The following TLN2 variants were observed in gnomAD, a reference collection of about 807,000 sequenced individuals.
The protein encoded by TLN2 is talin-2.
In TLN2, 118 loss-of-function variants were observed where a neutral mutation model predicts 294.7. That is an observed-to-expected ratio of 0.40 (90% confidence interval 0.34 to 0.47). The LOEUF (loss-of-function observed/expected upper bound fraction) is 0.47, where lower values mean the gene tolerates loss of function less well. TLN2 is among the 20% of genes least tolerant of loss of function. The pLI is 0.84. For missense variants in TLN2, 3,083 were observed against 3,282.2 expected (o/e 0.94, Z 1.48); for synonymous variants, 1,431 against 1,304.5 (o/e 1.10, Z -2.09).
chr15:62,718,009 C>T (rs957113493), intron 24 of TLN2, among the ~76,000 whole-genome samples: 7 of 152,316 alleles, frequency 4.6e-5, no homozygotes, highest in Middle Eastern at 3.4e-3. Context: ...TTCCAGAGTG[C>T]CTTTCTTTGA....
chr15:62,838,605 A>C (rs185544382), intron 57 of TLN2, among the ~76,000 whole-genome samples: 1 of 152,370 alleles, frequency 6.6e-6, no homozygotes, highest in East Asian at 1.9e-4. Context: ...AATTCCCCTC[A>C]AAAATGAGTA....
chr15:62,723,313 G>C (rs1479149665), intron 26 of TLN2, among the ~76,000 whole-genome samples: 1 of 152,152 alleles, frequency 6.6e-6, no homozygotes, highest in Non-Finnish European at 1.5e-5. Flanking sequence ...GTCTACACTG[G>C]AATCACCTGG....
intron 20 of TLN2, 81 bp from the exon 21 acceptor site, chr15:62,708,421 C>A: frequency 6.8e-7 from 1 of 1,475,364 alleles, no homozygotes; most frequent in Non-Finnish European, 9.3e-7. Flanking sequence ...GCAGGAAGGG[C>A]TTTGATGGGA....
intron 3 of TLN2, among the ~76,000 whole-genome samples, chr15:62,632,028 A>T (rs1440109164): frequency 6.6e-6 from 1 of 152,204 alleles, no homozygotes; most frequent in African/African-American, 2.4e-5. Context: ...CCGGTAAGAG[A>T]GTGGCTCCAA....
intron 7 of TLN2, 50 bp downstream of exon 7, chr15:62,653,364 C>T: frequency 6.5e-7 from 1 of 1,548,632 alleles, no homozygotes; most frequent in Non-Finnish European, 8.7e-7. Context: ...CTTTGCTAAG[C>T]CTCACTTCCC....
chr15:62,591,081 G>T (rs2046042740), intron 2 of TLN2, among the ~76,000 whole-genome samples: 2 of 151,876 alleles, frequency 1.3e-5, no homozygotes, highest in Non-Finnish European at 2.9e-5. Context: ...TATTTTGTGT[G>T]TGGAATTTTT....
intron 41 of TLN2, among the ~76,000 whole-genome samples, chr15:62,768,876 T>A (rs1054344955): frequency 2.6e-5 from 4 of 152,250 alleles, no homozygotes; most frequent in Non-Finnish European, 4.4e-5. Context: ...CTACCAGTCC[T>A]GATGAACTCT....
chr15:62,800,482 G>C lies in TLN2; in HGVS notation c.6349G>C (p.Gly2117Arg). The change falls in exon 49 of 59, where the codon GGG (glycine) becomes CGG (arginine). Residue 2117 changes from glycine to arginine, a missense_variant. By Grantham distance (125) the Gly-to-Arg change is moderately radical. Coordinates refer to ENST00000636159, the MANE Select transcript of TLN2 (RefSeq NM_015059.3). ...CGACCCTTCCATGTACCAGCTCAAG[G>C]GGGCTGCCAAGGTAGAGTGGGGCTC... ...VDDPSMYQLK[G>R]AAKVMVTNVT... 1.9e-6 allele frequency: 3 copies of C among 1,614,154 alleles called. No individual in the cohort carries two copies. Among genetic ancestry groups the C allele is most frequent in the Non-Finnish European group, 2.5e-6 (3 of 1,180,006 alleles).
chr15:62,613,806 A>G (rs2048100564), intron 2 of TLN2, among the ~76,000 whole-genome samples: 1 of 151,934 alleles, frequency 6.6e-6, no homozygotes, highest in Non-Finnish European at 1.5e-5. Flanking sequence ...ATATGCAACA[A>G]GAGGGATCAA....
chr15:62,591,968 A>G (rs1425787457), intron 2 of TLN2, among the ~76,000 whole-genome samples: 1 of 152,054 alleles, frequency 6.6e-6, no homozygotes, highest in East Asian at 1.9e-4. Context: ...TGGCCGGGAA[A>G]CACATCAGAT....
chr15:62,460,510 G>T (rs998318510), intron 1 of TLN2, among the ~76,000 whole-genome samples: 1 of 152,008 alleles, frequency 6.6e-6, no homozygotes, highest in African/African-American at 2.4e-5. Flanking sequence ...TGATCCACCC[G>T]CCTCGGCCTC....
At chr15:62,620,397 T>C (rs1169386270) in intron 3 of TLN2, among the ~76,000 whole-genome samples, 1 of 152,170 alleles carries the variant, frequency 6.6e-6, no homozygotes, top group Non-Finnish European at 1.5e-5. Flanking sequence ...TCTGAACCTT[T>C]GGAAATGGCC....
At chr15:62,411,771 T>C (rs535634741) in intron 1 of TLN2, among the ~76,000 whole-genome samples, 98 of 152,202 alleles carry the variant, frequency 6.4e-4, no homozygotes, top group African/African-American at 2.3e-3. Context: ...CTTGGAAAAG[T>C]TTGGGAGATT....
intron 22 of TLN2, 92 bp downstream of exon 22, chr15:62,712,169 T>G (rs2059468027): frequency 6.8e-7 from 1 of 1,480,816 alleles, no homozygotes; most frequent in African/African-American, 1.4e-5. Flanking sequence ...GTCATCCGAG[T>G]GTGCATTTTT....
intron 11 of TLN2, among the ~76,000 whole-genome samples, chr15:62,681,333 T>C (rs1341420019): frequency 6.6e-6 from 1 of 152,232 alleles, no homozygotes; most frequent in Non-Finnish European, 1.5e-5. Flanking sequence ...TCACTACTTT[T>C]ATAGGATTCT....
chr15:62,738,828 A>G (rs1319748379), intron 30 of TLN2, among the ~76,000 whole-genome samples: 9 of 152,202 alleles, frequency 5.9e-5, no homozygotes, highest in Non-Finnish European at 5.9e-5. Flanking sequence ...AGTCTAGCTT[A>G]ACTCCCTAGA....
chr15:62,650,299 T>G, intron 5 of TLN2, 118 bp downstream of exon 5: 1 of 987,470 alleles, frequency 1.0e-6, no homozygotes, highest in East Asian at 2.6e-5. Flanking sequence ...GTTCGATGCA[T>G]TGTACTTTGT....
At chr15:62,486,464 T>G (rs1052324585) in intron 1 of TLN2, among the ~76,000 whole-genome samples, 24 of 148,244 alleles carry the variant, frequency 1.6e-4, no homozygotes, top group East Asian at 7.7e-4. Flanking sequence ...TTTTTTTTTT[T>G]TTTTTTTTTT....
At chr15:62,797,489 G>A in intron 48 of TLN2, 87 bp downstream of exon 48, 1 of 1,429,012 alleles carries the variant, frequency 7.0e-7, no homozygotes, top group Non-Finnish European at 9.2e-7. Context: ...AGGCAGAACA[G>A]GAACTTTTGA....
Sources: allele counts gnomAD v4.1 joint callset (sites outside exome capture counted in the v4.1 genomes callset), GRCh38; gene constraint gnomAD v4.1.1; transcripts MANE v1.5; gene names NCBI Gene and HGNC (gene_info 2026-07-23, HGNC 2026-07-21).